EYA4: variants seen among roughly 807,000 people sequenced by gnomAD.
The protein encoded by EYA4 is protein phosphatase EYA4.
EYA4 carries 31 observed loss-of-function variants against 87.9 expected under a neutral mutation model. The ratio of observed to expected loss-of-function variants is 0.35; its 90% CI spans 0.27 to 0.48. The LOEUF (loss-of-function observed/expected upper bound fraction) is 0.48, where lower values mean the gene tolerates loss of function less well. Among genes scored for constraint, EYA4 ranks in the 20% least tolerant of loss-of-function variants. The probability of loss-of-function intolerance (pLI) is 0.99; values close to 1 mark genes in which losing one functional copy is unlikely to be tolerated. For missense variants in EYA4, 678 were observed against 761.4 expected, an observed-to-expected ratio of 0.89 and a Z score of 1.29; for synonymous variants, 263 against 270.6, an observed-to-expected ratio of 0.97 and a Z score of 0.28.
intron 2 of EYA4, among the ~76,000 whole-genome samples, chr6:133,371,970 A>G (rs982589191): frequency 3.9e-5 from 6 of 152,274 alleles, no homozygotes; most frequent in Non-Finnish European, 8.8e-5. Context: ...TACCTAATCT[A>G]TAATTCCTAT....
intron 3 of EYA4, among the ~76,000 whole-genome samples, chr6:133,413,479 C>G (rs1789427743): frequency 6.6e-6 from 1 of 150,690 alleles, no homozygotes; most frequent in East Asian, 2.0e-4. Context: ...AAATTTATCA[C>G]TATTGACGTG....
chr6:133,280,014 C>G (rs1777494927), intron 2 of EYA4, among the ~76,000 whole-genome samples: 1 of 152,120 alleles, frequency 6.6e-6, no homozygotes, highest in African/African-American at 2.4e-5. Context: ...CTTGGGTACT[C>G]TAAACCCATT....
intron 2 of EYA4, among the ~76,000 whole-genome samples, chr6:133,304,831 A>G (rs1165090738): frequency 2.0e-5 from 3 of 152,210 alleles, no homozygotes; most frequent in Non-Finnish European, 4.4e-5. Flanking sequence ...CCTTGGGAAT[A>G]CAGCACTAAA....
chr6:133,425,922 G>T (rs747287238), intron 3 of EYA4, among the ~76,000 whole-genome samples: 3 of 150,730 alleles, frequency 2.0e-5, no homozygotes, highest in Non-Finnish European at 4.4e-5. Context: ...TGCTTTTCAC[G>T]CTTTCTCCCT....
chr6:133,459,256 A>G (rs972253063), intron 6 of EYA4, among the ~76,000 whole-genome samples: 4 of 152,132 alleles, frequency 2.6e-5, no homozygotes, highest in Admixed American at 6.6e-5. Context: ...AGAAATTTGT[A>G]AAGGTTAGTT....
intron 1 of EYA4, among the ~76,000 whole-genome samples, chr6:133,268,987 G>A (rs944661994): frequency 6.6e-6 from 1 of 152,182 alleles, no homozygotes; most frequent in African/African-American, 2.4e-5. Context: ...GGCTGGGCAT[G>A]GTGGCTCATG....
chr6:133,329,321 A>G (rs1562295576), intron 2 of EYA4, among the ~76,000 whole-genome samples: 1 of 152,136 alleles, frequency 6.6e-6, no homozygotes, highest in African/African-American at 2.4e-5. Flanking sequence ...CAATACTCCC[A>G]GTCCGTTGAG....
rs373105962 is a variant in EYA4 at position 133,524,529 on chromosome 6, G to A, written c.1739-625G>A. 5.4e-4 allele frequency among the ~76,000 whole-genome samples: 82 copies of A among 152,266 alleles called. No homozygotes were observed. In the East Asian group the frequency reaches 7.7e-3, roughly 14 times the overall value. On this transcript the variant is annotated intron_variant, in intron 18 of 19. Transcript: ENST00000355286. ...GTCAGTACTGTGGCCCAGTCAGACA[G>A]CACCCTTAGCAGAAGTTATTTGAGC...
chr6:133,469,965 A>G (rs1583372417), intron 11 of EYA4, among the ~76,000 whole-genome samples: 1 of 151,762 alleles, frequency 6.6e-6, no homozygotes, highest in Middle Eastern at 3.4e-3. Flanking sequence ...AATTTGTTTG[A>G]GTTCATTGTA....
chr6:133,452,702 A>G (rs1000122679), intron 5 of EYA4, among the ~76,000 whole-genome samples: 1 of 152,054 alleles, frequency 6.6e-6, no homozygotes, highest in Non-Finnish European at 1.5e-5. Flanking sequence ...ATGTATGTTT[A>G]TTTATTTTTA....
chr6:133,439,551 C>T lies in EYA4; in HGVS notation c.84-7079C>T, dbSNP rs1282810747. On this transcript the variant is annotated intron_variant, in intron 3 of 19. Transcript: ENST00000355286. ...ATATGGGGCAGAGTTCAGGAGAAAC[C>T]GGAGTTTATTTCCAGTTGTCTTCTG... 2.6e-5 allele frequency: 4 copies of T among 152,182 alleles called. No homozygotes were observed. The East Asian group carries it at 5.8e-4, about 22-fold the overall frequency. 9.4% of individuals were successfully genotyped at this position (152,182 alleles called of 1,614,324 possible).
At chr6:133,276,901 CA>C (rs3065337) in intron 2 of EYA4, among the ~76,000 whole-genome samples, 46,124 of 133,106 alleles carry the variant, frequency 0.35, 7,129 homozygotes, top group East Asian at 0.52. Context: ...ATAGAAATGT[CA>C]AAAAAAAAAA....
rs1471362858 is a variant in EYA4 at position 133,462,408 on chromosome 6, G to C, written c.511G>C (p.Gly171Arg). The C allele has an allele frequency of 1.2e-5, 19 of 1,613,848 alleles. No individual in the cohort carries two copies. The highest frequency in any genetic ancestry group is 1.6e-5 in the Non-Finnish European group (19 of 1,179,950). ...CTATGCAGGCCAGACTCAGTATTCG[G>C]GGATGCAGCAGCCAGCCGTCTACAC... The part of the protein sequence containing the change: ...SAYAGQTQYS[G>R]MQQPAVYTAY... The change falls in exon 8 of 20, where the codon GGG (glycine) becomes CGG (arginine). Residue 171 changes from glycine (G) to arginine (R), a missense_variant. Gly to Arg is a moderately radical substitution (Grantham distance 125). Coordinates refer to ENST00000355286, the MANE Select transcript of EYA4 (RefSeq NM_004100.5).
chr6:133,397,413 C>T (rs1787896989), intron 3 of EYA4, among the ~76,000 whole-genome samples: 1 of 152,162 alleles, frequency 6.6e-6, no homozygotes, highest in Non-Finnish European at 1.5e-5. Context: ...CAATCAGCTG[C>T]ATTCCATCTA....
intron 2 of EYA4, among the ~76,000 whole-genome samples, chr6:133,357,995 T>G (rs1784195671): frequency 1.3e-5 from 2 of 152,312 alleles, no homozygotes; most frequent in South Asian, 4.1e-4. Context: ...AAAGTATTGC[T>G]AAGTCTTGCT....
At chr6:133,348,948 G>A (rs141080281) in intron 2 of EYA4, among the ~76,000 whole-genome samples, 24 of 152,224 alleles carry the variant, frequency 1.6e-4, no homozygotes, top group Non-Finnish European at 3.4e-4. Context: ...AATCTTTACA[G>A]TGGCCTTTGA....
At chr6:133,432,839 G>A (rs1299052247) in intron 3 of EYA4, among the ~76,000 whole-genome samples, 1 of 152,030 alleles carries the variant, frequency 6.6e-6, no homozygotes, top group African/African-American at 2.4e-5. Flanking sequence ...TAAAGATACA[G>A]AATGTCTTGG....
intron 9 of EYA4, among the ~76,000 whole-genome samples, chr6:133,463,129 A>C (rs1481773605): frequency 6.6e-6 from 1 of 152,114 alleles, no homozygotes; most frequent in African/African-American, 2.4e-5. Context: ...TGAAGTATGT[A>C]ATGCTGTTTT....
chr6:133,241,106 C>T (rs1222854135), upstream of EYA4, among the ~76,000 whole-genome samples: 2 of 143,794 alleles, frequency 1.4e-5, no homozygotes, highest in East Asian at 3.9e-4. Flanking sequence ...CATCCAGGGC[C>T]CCGAGGCCCT....
Sources: gnomAD v4.1 joint callset for allele counts (sites outside exome capture counted in the v4.1 genomes callset) on GRCh38, gnomAD v4.1.1 for gene constraint, MANE v1.5 for transcripts, NCBI Gene and HGNC (gene_info 2026-07-23, HGNC 2026-07-21) for gene names.